Variants in SORCS3 observed in about 807,000 individuals in gnomAD.
The protein encoded by SORCS3 is VPS10 domain-containing receptor SorCS3.
SORCS3 carries 57 observed loss-of-function variants against 146.3 expected under a neutral mutation model. That is an observed-to-expected ratio of 0.39 (90% confidence interval 0.31 to 0.49). The LOEUF (loss-of-function observed/expected upper bound fraction) is 0.49, where lower values mean the gene tolerates loss of function less well. SORCS3 is among the 20% of genes least tolerant of loss of function. SORCS3 has a pLI of 0.92. For missense variants in SORCS3, 1,341 were observed against 1,575.5 expected, an observed-to-expected ratio of 0.85 and a Z score of 2.52; for synonymous variants, 653 against 618.5, an observed-to-expected ratio of 1.06 and a Z score of -0.83.
chr10:104,897,732 A>C (rs1466721404), intron 2 of SORCS3, among the ~76,000 whole-genome samples: 2 of 152,210 alleles, frequency 1.3e-5, no homozygotes, highest in Admixed American at 6.5e-5. Flanking sequence ...TTGTGAGTGC[A>C]GAATATAGTC....
Position 105,043,712 on chromosome 10 carries a change from A to T in SORCS3, c.1028+584A>T, listed in dbSNP as rs561153252. ...CCAAACTTGAAGTCACTGATTCCCA[A>T]ACTTATTTCACTACAGAATCCTTTT... is the stretch of plus-strand genomic sequence containing the variant. On this transcript the variant is annotated intron_variant, in intron 5 of 26. Coordinates refer to ENST00000369701, the MANE Select transcript of SORCS3 (RefSeq NM_014978.3). Among the ~76,000 whole-genome samples, 3 of 152,208 alleles carry T rather than the reference A, an allele frequency of 2.0e-5. No individual in the cohort carries two copies. In the South Asian group the frequency reaches 6.2e-4, roughly 32 times the overall value.
chr10:104,735,147 G>T (rs1296466478), intron 1 of SORCS3, among the ~76,000 whole-genome samples: 1 of 152,174 alleles, frequency 6.6e-6, no homozygotes, highest in Non-Finnish European at 1.5e-5. Context: ...CCTGCCGCTT[G>T]CCTTTCACGT....
chr10:105,054,011 A>G (rs1024576054), intron 5 of SORCS3, among the ~76,000 whole-genome samples: 1 of 152,116 alleles, frequency 6.6e-6, no homozygotes, highest in East Asian at 1.9e-4. Context: ...TAATTTAAAG[A>G]AGTAGTCCAT....
At chr10:105,040,621 G>T (rs1256385996) in intron 4 of SORCS3, among the ~76,000 whole-genome samples, 1 of 152,158 alleles carries the variant, frequency 6.6e-6, no homozygotes, top group African/African-American at 2.4e-5. Flanking sequence ...TCAGGGAGAA[G>T]CTACTCTGTT....
chr10:104,914,116 C>A (rs11192229), intron 2 of SORCS3, among the ~76,000 whole-genome samples: 7,853 of 152,164 alleles, frequency 0.052, 601 homozygotes, highest in African/African-American at 0.17. Flanking sequence ...GTGCAAATAA[C>A]TTGCACATGG....
intron 1 of SORCS3, among the ~76,000 whole-genome samples, chr10:104,840,705 T>A (rs1338614521): frequency 6.6e-6 from 1 of 152,258 alleles, no homozygotes. Context: ...GAAGCTCTGC[T>A]AATTAAGTGA....
At chr10:104,739,582 G>A (rs539340342) in intron 1 of SORCS3, among the ~76,000 whole-genome samples, 75 of 152,216 alleles carry the variant, frequency 4.9e-4, no homozygotes, top group Non-Finnish European at 9.6e-4. Flanking sequence ...AACTCATAGA[G>A]TAGGGTTCTT....
rs572466998 is a variant in SORCS3 at position 104,753,826 on chromosome 10, C to A, written c.628-88966C>A. On this transcript the variant is annotated intron_variant, in intron 1 of 26. Coordinates refer to ENST00000369701, the MANE Select transcript of SORCS3 (RefSeq NM_014978.3). ...GTGACATTCTTCAGAGATCAATGACCAAAAAGTCCAAGGCTGACCTATAGC... is the reference window on the plus strand; with the variant it reads ...GTGACATTCTTCAGAGATCAATGACAAAAAAGTCCAAGGCTGACCTATAGC... Among the ~76,000 whole-genome samples, 10 of 152,228 alleles carry A rather than the reference C, an allele frequency of 6.6e-5. No individual in the cohort carries two copies. In the South Asian group the frequency reaches 2.1e-3, roughly 32 times the overall value.
At chr10:105,025,837 A>AACAC (rs57597161) in intron 4 of SORCS3, among the ~76,000 whole-genome samples, 45,487 of 135,210 alleles carry the variant, frequency 0.34, 8,257 homozygotes, top group South Asian at 0.46. Context: ...TGTCTTCTCA[A>AACAC]ACACACACAC....
intron 9 of SORCS3, among the ~76,000 whole-genome samples, chr10:105,153,806 C>A (rs755437350): frequency 3.9e-5 from 6 of 152,016 alleles, no homozygotes; most frequent in Non-Finnish European, 7.4e-5. Flanking sequence ...CGCGGTGGCT[C>A]ACACCTGTAA....
intron 1 of SORCS3, among the ~76,000 whole-genome samples, chr10:104,792,759 C>T (rs2017509456): frequency 6.6e-6 from 1 of 152,172 alleles, no homozygotes; most frequent in African/African-American, 2.4e-5. Context: ...CTTTCTCTAA[C>T]TTCCTACATT....
intron 3 of SORCS3, among the ~76,000 whole-genome samples, chr10:104,926,832 G>C (rs539028663): frequency 4.6e-5 from 7 of 152,122 alleles, no homozygotes; most frequent in African/African-American, 1.4e-4. Context: ...TTATTTAAAG[G>C]CTCATTAAAA....
At position 105,023,765 on chromosome 10, in the gene SORCS3, G is replaced by T. The variant is rs1045153286; in HGVS notation, c.955-19290G>T. 4.3e-4 allele frequency among the ~76,000 whole-genome samples: 65 copies of T among 151,968 alleles called. 1 individual carries two copies. Among genetic ancestry groups the T allele is most frequent in the Admixed American group, 1.9e-3 (29 of 15,212 alleles). The stretch of plus-strand genomic sequence containing the variant: ...GTGTTCCTCGCCTGGGGACAATGGT[G>T]GGGGGTGTTGCAAAATCAGTCCAAG... On this transcript the variant is annotated intron_variant, in intron 4 of 26. Transcript: ENST00000369701.
At chr10:104,985,778 T>C (rs2054958583) in intron 4 of SORCS3, among the ~76,000 whole-genome samples, 1 of 152,206 alleles carries the variant, frequency 6.6e-6, no homozygotes, top group African/African-American at 2.4e-5. Flanking sequence ...ACCAGGTGCA[T>C]TGTTAATAAG....
intron 3 of SORCS3, among the ~76,000 whole-genome samples, chr10:104,976,493 G>A (rs2054898269): frequency 6.6e-6 from 1 of 152,152 alleles, no homozygotes; most frequent in Non-Finnish European, 1.5e-5. Context: ...CATTGTGGAA[G>A]TCAGTGTGGC....
At chr10:104,997,478 A>G (rs2055034014) in intron 4 of SORCS3, among the ~76,000 whole-genome samples, 1 of 152,208 alleles carries the variant, frequency 6.6e-6, no homozygotes, top group South Asian at 2.1e-4. Context: ...AATCAAGTCT[A>G]GATCAGGCAA....
intron 9 of SORCS3, among the ~76,000 whole-genome samples, chr10:105,155,942 G>C (rs966898039): frequency 1.3e-5 from 2 of 152,056 alleles, no homozygotes; most frequent in African/African-American, 2.4e-5. Context: ...AGACCAATCA[G>C]GTTACTTAAA....
At chr10:104,705,225 GTTTTTT>G (rs11361828) in intron 1 of SORCS3, among the ~76,000 whole-genome samples, 1 of 119,618 alleles carries the variant, frequency 8.4e-6, no homozygotes, top group Non-Finnish European at 1.7e-5. Flanking sequence ...GCAGGCCTTC[GTTTTTT>G]TTTTTTTTTT....
rs116369436 is a variant in SORCS3, at chr10:104,954,636, G to A, written c.796-22699G>A. ...AGAGTAGTCCACTTGGAACTGTCAT[G>A]TACATCAGCAGGACCCAGCCTGAGC... is the stretch of plus-strand genomic sequence containing the variant. On this transcript the variant is annotated intron_variant, in intron 3 of 26. Coordinates refer to ENST00000369701, the MANE Select transcript of SORCS3 (RefSeq NM_014978.3). Among the ~76,000 whole-genome samples, 1,053 of 152,272 alleles carry A rather than the reference G, an allele frequency of 6.9e-3. 9 individuals carry two copies. Among genetic ancestry groups the A allele is most frequent in the African/African-American group, 0.024 (1,008 of 41,554 alleles).
Sources: allele counts gnomAD v4.1 joint callset (sites outside exome capture counted in the v4.1 genomes callset), GRCh38; gene constraint gnomAD v4.1.1; transcripts MANE v1.5; gene names NCBI Gene and HGNC (gene_info 2026-07-23, HGNC 2026-07-21).